PCDHGB2: variants seen among roughly 807,000 people sequenced by gnomAD.
PCDHGB2 encodes the protein protocadherin gamma subfamily B, 2, also known as protocadherin gamma-B2.
In PCDHGB2, 55 loss-of-function variants were observed where a neutral mutation model predicts 59.3. The observed-to-expected ratio is 0.93, with a 90% CI of 0.75 to 1.16. PCDHGB2 has a LOEUF of 1.16. Ranked by LOEUF, PCDHGB2 falls within the 50% of genes most tolerant of loss-of-function variation. PCDHGB2 has a pLI of 0.00. For synonymous variants in PCDHGB2, 516 were observed against 512.0 expected (o/e 1.01, Z -0.11); for missense variants, 1,228 against 1,198.5 (o/e 1.02, Z -0.36).
At chr5:141,377,627 T>A (rs893549240) in intron 1 of PCDHGB2, 5 of 152,084 alleles carry the variant, frequency 3.3e-5, no homozygotes, top group African/African-American at 9.7e-5. Context: ...AAGATTTTGT[T>A]TTTTCTCAGT....
rs759756007 is a variant in PCDHGB2 at position 141,476,248 on chromosome 5, T to C, written c.2422-18559T>C. 2 of 1,613,856 alleles carry C rather than the reference T, an allele frequency of 1.2e-6. No individual in the cohort carries two copies. Among genetic ancestry groups the C allele is most frequent in the South Asian group, 2.2e-5 (2 of 91,050 alleles). On this transcript the variant is annotated intron_variant, in intron 1 of 3. Transcript: ENST00000522605. The surrounding 1 kb of genome is among the most constrained non-coding windows in gnomAD (Gnocchi z 7.6). The stretch of plus-strand genomic sequence containing the variant: ...AGATCCCGGAGGAAAGAGAGAAGGG[T>C]TTCGCTGTGGGCAACGTGGTCGCGA...
At chr5:141,478,417 C>G in intron 1 of PCDHGB2, 1 of 1,613,652 alleles carries the variant, frequency 6.2e-7, no homozygotes, top group Non-Finnish European at 8.5e-7. Context: ...CGGACTCCCG[C>G]CGCAGCGACC....
Position 141,489,576 on chromosome 5 carries a change from C to G in PCDHGB2, c.2422-5231C>G. 6.2e-7 allele frequency: 1 copy of G among 1,614,054 alleles called. No individual in the cohort carries two copies. Among genetic ancestry groups the G allele is most frequent in the Non-Finnish European group, 8.5e-7 (1 of 1,179,976 alleles). On this transcript the variant is annotated intron_variant, in intron 1 of 3. Coordinates refer to ENST00000522605, the MANE Select transcript of PCDHGB2 (RefSeq NM_018923.3). This position sits in a 1 kb window ranked among gnomAD's most constrained non-coding sequence, Gnocchi z 4.5. ...TGCCAGTGCAGGTGGTGACTGAACA[C>G]CCCCTGGAGCTAATCCGTGTAGAGG...
chr5:141,417,518 G>C (rs193231266), intron 1 of PCDHGB2: 8 of 257,454 alleles, frequency 3.1e-5, no homozygotes, highest in Non-Finnish European at 5.1e-5. Context: ...TATTTTGGCT[G>C]TCAACTCGTA....
At chr5:141,458,594 G>T (rs1226490392) in intron 1 of PCDHGB2, among the ~76,000 whole-genome samples, 1 of 151,612 alleles carries the variant, frequency 6.6e-6, no homozygotes, top group Non-Finnish European at 1.5e-5. Context: ...TTTTGGAGAC[G>T]AGTCTCACTC....
At chr5:141,404,100 T>G in intron 1 of PCDHGB2, 1 of 1,613,618 alleles carries the variant, frequency 6.2e-7, no homozygotes, top group African/African-American at 1.3e-5. Context: ...GGTCAAGTTG[T>G]CTGTTCTATC....
intron 3 of PCDHGB2, among the ~76,000 whole-genome samples, chr5:141,510,639 T>TATCA (rs998925545): frequency 1.4e-4 from 22 of 152,300 alleles, no homozygotes; most frequent in African/African-American, 4.6e-4. Context: ...TGGTTACCAT[T>TATCA]ATCATCCCCA....
chr5:141,364,416 G>A, intron 1 of PCDHGB2: 2 of 1,613,312 alleles, frequency 1.2e-6, no homozygotes, highest in Non-Finnish European at 1.7e-6. Context: ...CCAGGATCCG[G>A]GCAGATCCGC....
At chr5:141,426,667 A>G in intron 1 of PCDHGB2, 2 of 430,860 alleles carry the variant, frequency 4.6e-6, no homozygotes, top group Non-Finnish European at 9.5e-6. Context: ...ATAAATGATA[A>G]CCCACCTCAT....
At position 141,491,127 on chromosome 5, in the gene PCDHGB2, C is replaced by T. The variant is rs2099708654; in HGVS notation, c.2422-3680C>T. On this transcript the variant is annotated intron_variant, in intron 1 of 3. Transcript: ENST00000522605. This position sits in a 1 kb window ranked among gnomAD's most constrained non-coding sequence, Gnocchi z 6.9. ...TGTCTACACACACTGGTGAGGTGCGCACAGCCCGGGCCTTACTGGAGGATG... is the reference window on the plus strand; with the variant it reads ...TGTCTACACACACTGGTGAGGTGCGTACAGCCCGGGCCTTACTGGAGGATG... 1 of 1,614,076 alleles carries T rather than the reference C, an allele frequency of 6.2e-7. No individual in the cohort carries two copies. The highest frequency in any genetic ancestry group is 1.3e-5 in the African/African-American group (1 of 74,942).
At position 141,361,921 on chromosome 5, in the gene PCDHGB2, G is replaced by C; in HGVS notation, c.1786G>C (p.Ala596Pro). Residue 596 changes from alanine to proline, a missense_variant, in exon 1 of 4, where the codon GCA becomes CCA. Physicochemically the swap from Ala to Pro is conservative, Grantham distance 27. This residue lies in a region of PCDHGB2 where 433 missense variants were observed against 441.8 expected (regional missense o/e 0.98). Coordinates refer to ENST00000522605, the MANE Select transcript of PCDHGB2 (RefSeq NM_018923.3). ...GGTGACCAAGGTGGTGGCGGTGGAC[G>C]CAGACTCAGGACACAACGCTTGGCT... Reference protein sequence around the residue: ...YLVTKVVAVDADSGHNAWLSY... With the variant: ...YLVTKVVAVDPDSGHNAWLSY... 6.2e-7 allele frequency: 1 copy of C among 1,607,720 alleles called. No individual in the cohort carries two copies. Among genetic ancestry groups the C allele is most frequent in the Non-Finnish European group, 8.5e-7 (1 of 1,178,992 alleles).
chr5:141,365,789 G>A (rs200109132), intron 1 of PCDHGB2: 1 of 1,613,778 alleles, frequency 6.2e-7, no homozygotes, highest in African/African-American at 1.3e-5. Flanking sequence ...CAACGCTCGA[G>A]TCACCTACTC....
rs61612330 is a variant in PCDHGB2, at chr5:141,454,796, A to ATTTTTTTTTTTTTTTTTTTTTTTTTT, written c.2422-40007_2422-39982dup. Among the ~76,000 whole-genome samples, 3 of 77,456 alleles carry ATTTTTTTTTTTTTTTTTTTTTTTTTT rather than the reference A, an allele frequency of 3.9e-5. 1 individual carries two copies. The highest frequency in any genetic ancestry group is 1.2e-4 in the African/African-American group (2 of 16,882). 50.8% of individuals were successfully genotyped at this position (77,456 alleles called of 152,430 possible). A position where few individuals can be genotyped will look rare whatever the true frequency, so the allele number is the denominator to read the frequency against. On this transcript the variant is annotated intron_variant, in intron 1 of 3. Transcript: ENST00000522605. Reference sequence around the variant, plus strand: ...AAGGAAATAATCCTCCATGGTTCTAATTTTTTTTTTTTTTTTTTTTTTTTT... The same window carrying ATTTTTTTTTTTTTTTTTTTTTTTTTT: ...AAGGAAATAATCCTCCATGGTTCTAATTTTTTTTTTTTTTTTTTTTTTTTTTTTTTTTTTTTTTTTTTTTTTTTTTT...
chr5:141,432,016 C>G lies in PCDHGB2; in HGVS notation c.2422-62791C>G. 1 of 1,614,202 alleles carries G rather than the reference C, an allele frequency of 6.2e-7. No individual in the cohort carries two copies. The highest frequency in any genetic ancestry group is 1.1e-5 in the South Asian group (1 of 91,082). ...ATAGGGAACAGGTTCCTAGCTACAACATCACAGTGACCGCCACTGACCGGG... is the reference window on the plus strand; with the variant it reads ...ATAGGGAACAGGTTCCTAGCTACAAGATCACAGTGACCGCCACTGACCGGG... On this transcript the variant is annotated intron_variant, in intron 1 of 3. Coordinates refer to ENST00000522605, the MANE Select transcript of PCDHGB2 (RefSeq NM_018923.3). The surrounding 1 kb of genome is among the most constrained non-coding windows in gnomAD (Gnocchi z 6.0).
At chr5:141,405,218 G>C in intron 1 of PCDHGB2, 3 of 1,613,986 alleles carry the variant, frequency 1.9e-6, no homozygotes, top group Non-Finnish European at 2.5e-6. Context: ...CTATTCTCAG[G>C]AGTTCTCCCT....
chr5:141,472,852 G>A (rs1354948628), intron 1 of PCDHGB2, among the ~76,000 whole-genome samples: 1 of 151,160 alleles, frequency 6.6e-6, no homozygotes, highest in African/African-American at 2.4e-5. Flanking sequence ...TGGGCATGGT[G>A]GCACATGCCT....
Position 141,485,098 on chromosome 5 carries a change from A to G in PCDHGB2, c.2422-9709A>G, listed in dbSNP as rs2099606903. ...CGGGGAAAGGGAGATAGGTGTCTCCAGCTGCTGTGGCTGTTTGGGGCGGGT... is the reference window on the plus strand; with the variant it reads ...CGGGGAAAGGGAGATAGGTGTCTCCGGCTGCTGTGGCTGTTTGGGGCGGGT... On this transcript the variant is annotated intron_variant, in intron 1 of 3. Transcript: ENST00000522605. This position sits in a 1 kb window ranked among gnomAD's most constrained non-coding sequence, Gnocchi z 5.7. 8.8e-7 allele frequency: 1 copy of G among 1,134,792 alleles called. No individual in the cohort carries two copies. Among genetic ancestry groups the G allele is most frequent in the South Asian group, 1.4e-5 (1 of 71,796 alleles). The allele number at this position is 1,134,792 out of a possible 1,614,324, so 70.3% of individuals were successfully genotyped here. A position where few individuals can be genotyped will look rare whatever the true frequency, so the allele number is the denominator to read the frequency against.
At chr5:141,403,300 G>C (rs1469024873) in intron 1 of PCDHGB2, 4 of 1,613,892 alleles carry the variant, frequency 2.5e-6, no homozygotes, top group Non-Finnish European at 3.4e-6. Context: ...GAGTGAAACT[G>C]TACGGAATAG....
At chr5:141,469,191 G>A (rs1431459571) in intron 1 of PCDHGB2, among the ~76,000 whole-genome samples, 1 of 151,882 alleles carries the variant, frequency 6.6e-6, no homozygotes, top group Admixed American at 6.6e-5. Flanking sequence ...CAAGAGGATT[G>A]CTTGAGCCTT....
Sources: allele counts gnomAD v4.1 joint callset (sites outside exome capture counted in the v4.1 genomes callset), GRCh38; gene constraint gnomAD v4.1.1; regional missense constraint gnomAD v4.1.1; non-coding constraint Gnocchi (gnomAD v3.1); transcripts MANE v1.5; gene names NCBI Gene and HGNC (gene_info 2026-07-23, HGNC 2026-07-21).